The following ZBBX variants were observed in gnomAD, a reference collection of about 807,000 sequenced individuals.
The protein encoded by ZBBX is zinc finger B-box domain containing, also known as zinc finger B-box domain-containing protein 1.
In ZBBX, 101 loss-of-function variants were observed where a neutral mutation model predicts 108.5. The ratio of observed to expected loss-of-function variants is 0.93; its 90% CI spans 0.79 to 1.10. The LOEUF is 1.10. ZBBX is among the 50% of genes least tolerant of loss of function. ZBBX has a pLI of 0.00. For missense variants in ZBBX, 1,009 were observed against 941.4 expected, an observed-to-expected ratio of 1.07 and a Z score of -0.94; for synonymous variants, 356 against 323.4, an observed-to-expected ratio of 1.10 and a Z score of -1.08.
intron 1 of ZBBX, among the ~76,000 whole-genome samples, chr3:167,406,707 A>G (rs1001412896): frequency 2.0e-5 from 3 of 152,222 alleles, no homozygotes; most frequent in Non-Finnish European, 4.4e-5. Flanking sequence ...GTAGTTTACA[A>G]TTCAAATTTG....
At chr3:167,252,696 G>C (rs1722823826) in intron 20 of ZBBX, among the ~76,000 whole-genome samples, 1 of 152,010 alleles carries the variant, frequency 6.6e-6, no homozygotes, top group Non-Finnish European at 1.5e-5. Flanking sequence ...GTGTGTGCTT[G>C]CTTTTGTATA....
intron 9 of ZBBX, among the ~76,000 whole-genome samples, chr3:167,338,294 T>C (rs1158430867): frequency 6.6e-6 from 1 of 152,192 alleles, no homozygotes; most frequent in Non-Finnish European, 1.5e-5. Flanking sequence ...ACTCTGACAA[T>C]GTATCATTAA....
At chr3:167,288,540 C>A (rs1021516638) in intron 19 of ZBBX, among the ~76,000 whole-genome samples, 2 of 152,118 alleles carry the variant, frequency 1.3e-5, no homozygotes, top group Non-Finnish European at 2.9e-5. Flanking sequence ...AAACATACTG[C>A]TTCCTGAGTG....
intron 1 of ZBBX, among the ~76,000 whole-genome samples, chr3:167,392,099 C>A (rs1309845173): frequency 1.3e-5 from 2 of 151,732 alleles, no homozygotes; most frequent in East Asian, 3.9e-4. Flanking sequence ...TGCTTTTAGC[C>A]ACTAAGGAAT....
upstream of ZBBX, among the ~76,000 whole-genome samples, chr3:167,383,797 G>A (rs976343311): frequency 1.2e-4 from 19 of 152,130 alleles, no homozygotes; most frequent in African/African-American, 4.1e-4. Context: ...TTCCAGGCAC[G>A]GCCCTAAGAT....
intron 9 of ZBBX, among the ~76,000 whole-genome samples, chr3:167,348,290 G>GAGA (rs1577060168): frequency 2.1e-5 from 2 of 95,992 alleles, no homozygotes; most frequent in Non-Finnish European, 2.3e-5. Context: ...AAGGAAGGAA[G>GAGA]GAAAGAAGAA....
chr3:167,217,281 A>G, the ZBBX span, among the ~76,000 whole-genome samples: 1 of 152,174 alleles, frequency 6.6e-6, no homozygotes, highest in Non-Finnish European at 1.5e-5. Context: ...AGAGTAAAAC[A>G]ACCCCATTAA....
chr3:167,330,909 GAGGCATCAT>G (rs2108382528), intron 10 of ZBBX, among the ~76,000 whole-genome samples: 1 of 80,380 alleles, frequency 1.2e-5, no homozygotes, highest in Non-Finnish European at 2.8e-5. Flanking sequence ...AGAAGAAGAA[GAGGCATCAT>G]ATATCTCTTC....
chr3:167,349,114 G>A (rs914130592), intron 9 of ZBBX, among the ~76,000 whole-genome samples: 4 of 151,978 alleles, frequency 2.6e-5, no homozygotes, highest in African/African-American at 9.7e-5. Context: ...CTGAAGAAAT[G>A]GAGCCATGTC....
the ZBBX span, among the ~76,000 whole-genome samples, chr3:167,203,062 TA>T: frequency 1.3e-5 from 2 of 152,174 alleles, no homozygotes; most frequent in Non-Finnish European, 2.9e-5. Context: ...CCAATTATAT[TA>T]GTTTACTAGA....
intron 20 of ZBBX, among the ~76,000 whole-genome samples, chr3:167,266,429 C>G (rs950006138): frequency 6.6e-6 from 1 of 152,154 alleles, no homozygotes; most frequent in Non-Finnish European, 1.5e-5. Flanking sequence ...CAGCTTACCC[C>G]CTTCCCGTCA....
At chr3:167,231,202 C>T in the ZBBX span, among the ~76,000 whole-genome samples, 1 of 151,762 alleles carries the variant, frequency 6.6e-6, no homozygotes, top group Non-Finnish European at 1.5e-5. Context: ...TGAAATTATA[C>T]ATTAGAGGTT....
At chr3:167,364,641 G>C (rs1008875201) in intron 6 of ZBBX, among the ~76,000 whole-genome samples, 4 of 151,744 alleles carry the variant, frequency 2.6e-5, no homozygotes, top group Non-Finnish European at 5.9e-5. Flanking sequence ...CACTTAATGA[G>C]ATAAGAAAGG....
chr3:167,203,003 C>T, the ZBBX span, among the ~76,000 whole-genome samples: 1 of 152,212 alleles, frequency 6.6e-6, no homozygotes, highest in Non-Finnish European at 1.5e-5. Flanking sequence ...TTTTTATTGA[C>T]ATGGCAAAAT....
At chr3:167,398,673 A>G (rs948311051) in intron 1 of ZBBX, among the ~76,000 whole-genome samples, 1 of 152,064 alleles carries the variant, frequency 6.6e-6, no homozygotes, top group African/African-American at 2.4e-5. Flanking sequence ...GATATCTGAT[A>G]TTTGCAACCT....
intron 20 of ZBBX, among the ~76,000 whole-genome samples, chr3:167,258,082 A>G (rs1200712143): frequency 1.3e-5 from 2 of 152,106 alleles, no homozygotes; most frequent in Admixed American, 6.6e-5. Flanking sequence ...GCCTAAGCCA[A>G]TGTCTAGAAG....
intron 10 of ZBBX, among the ~76,000 whole-genome samples, chr3:167,330,480 T>C (rs1560135189): frequency 6.6e-6 from 1 of 152,084 alleles, no homozygotes; most frequent in Non-Finnish European, 1.5e-5. Context: ...AATTCATATG[T>C]TGAAGCCCTA....
intron 1 of ZBBX, among the ~76,000 whole-genome samples, chr3:167,386,450 C>A (rs1747925800): frequency 6.6e-6 from 1 of 152,042 alleles, no homozygotes; most frequent in East Asian, 1.9e-4. Flanking sequence ...CCAGAGAATT[C>A]TTTTAAACAG....
At chr3:167,231,365 G>A in the ZBBX span, among the ~76,000 whole-genome samples, 49 of 151,880 alleles carry the variant, frequency 3.2e-4, no homozygotes, top group Non-Finnish European at 5.6e-4. Context: ...TCATGAGAGC[G>A]TGGTGTCCTT....
Sources: allele counts gnomAD v4.1 joint callset (sites outside exome capture counted in the v4.1 genomes callset), GRCh38; gene constraint gnomAD v4.1.1; transcripts MANE v1.5; gene names NCBI Gene and HGNC (gene_info 2026-07-23, HGNC 2026-07-21).